ARHGAP10: variants seen among roughly 807,000 people sequenced by gnomAD.
The protein encoded by ARHGAP10 is Rho GTPase activating protein 10, also known as rho GTPase-activating protein 10.
ARHGAP10 carries 87 observed loss-of-function variants against 108.6 expected under a neutral mutation model. The ratio of observed to expected loss-of-function variants is 0.80; its 90% CI spans 0.67 to 0.96. The LOEUF is 0.96. Ranked by LOEUF, ARHGAP10 falls within the 40% of genes least tolerant of loss-of-function variation. The pLI is 0.00. For synonymous variants in ARHGAP10, 347 were observed against 341.1 expected (o/e 1.02, Z -0.19); for missense variants, 939 against 954.5 (o/e 0.98, Z 0.21).
chr4:147,847,843 A>G (rs980321462), intron 4 of ARHGAP10, among the ~76,000 whole-genome samples: 1 of 152,240 alleles, frequency 6.6e-6, no homozygotes, highest in African/African-American at 2.4e-5. Context: ...TTTTGCCACA[A>G]GGAGCCTGAG....
chr4:148,070,558 G>A (rs1397865373), intron 22 of ARHGAP10, among the ~76,000 whole-genome samples: 5 of 152,200 alleles, frequency 3.3e-5, no homozygotes, highest in African/African-American at 1.2e-4. Context: ...TCAATTCGCT[G>A]AGTTGCAATT....
At chr4:147,940,214 C>T (rs759478052) in intron 14 of ARHGAP10, among the ~76,000 whole-genome samples, 1 of 152,176 alleles carries the variant, frequency 6.6e-6, no homozygotes, top group Non-Finnish European at 1.5e-5. Context: ...ATAGCCTGTC[C>T]AGAATTGTGA....
At chr4:147,736,268 GT>G (rs1003830229) in intron 1 of ARHGAP10, among the ~76,000 whole-genome samples, 1 of 152,034 alleles carries the variant, frequency 6.6e-6, no homozygotes, top group Non-Finnish European at 1.5e-5. Context: ...TTCCGACTTG[GT>G]TTTGGTACTT....
chr4:147,930,777 AT>A (rs1415024428), intron 13 of ARHGAP10, among the ~76,000 whole-genome samples: 3 of 151,926 alleles, frequency 2.0e-5, no homozygotes, highest in African/African-American at 7.3e-5. Flanking sequence ...TTGTTTTCAA[AT>A]TCATCACATT....
At position 148,010,723 on chromosome 4, in the gene ARHGAP10, A is replaced by G. The variant is rs138425480; in HGVS notation, c.1717-12540A>G. On this transcript the variant is annotated intron_variant, in intron 18 of 22. Coordinates refer to ENST00000336498, the MANE Select transcript of ARHGAP10 (RefSeq NM_024605.4). The stretch of plus-strand genomic sequence containing the variant: ...CTCTAATTGTGGCCCGTAGTCCAAC[A>G]CATTGACATTAACTGGGAATTTGTT... Among the ~76,000 whole-genome samples, 1,275 of 152,344 alleles carry G rather than the reference A, an allele frequency of 8.4e-3. 6 individuals are homozygous for G. Among genetic ancestry groups the G allele is most frequent in the Admixed American group, 0.018 (272 of 15,300 alleles).
At chr4:147,863,856 C>T (rs1457389686) in intron 5 of ARHGAP10, 1 of 152,174 alleles carries the variant, frequency 6.6e-6, no homozygotes, top group Admixed American at 6.5e-5. Context: ...CTTGCATTCC[C>T]ACTAATGATG....
At chr4:147,758,971 T>TC (rs1553946648) in intron 1 of ARHGAP10, among the ~76,000 whole-genome samples, 2 of 121,148 alleles carry the variant, frequency 1.7e-5, no homozygotes, top group Non-Finnish European at 1.7e-5. Context: ...AGACTCTGTC[T>TC]CAAAAAAAAA....
At chr4:147,811,107 A>G (rs1360028940) in intron 1 of ARHGAP10, among the ~76,000 whole-genome samples, 1 of 151,968 alleles carries the variant, frequency 6.6e-6, no homozygotes, top group East Asian at 1.9e-4. Flanking sequence ...CTTCATTTTC[A>G]GTGTTCTGCT....
chr4:147,869,944 T>C (rs959847133), intron 7 of ARHGAP10, among the ~76,000 whole-genome samples: 3 of 151,548 alleles, frequency 2.0e-5, no homozygotes, highest in African/African-American at 7.3e-5. Flanking sequence ...TTTATTATAA[T>C]AAAGAGAAAA....
intron 20 of ARHGAP10, among the ~76,000 whole-genome samples, chr4:148,054,293 TGATTTAAGCAAACCAGG>T (rs1729270622): frequency 6.6e-6 from 1 of 152,188 alleles, no homozygotes; most frequent in African/African-American, 2.4e-5. Context: ...TTTATATAAG[TGATTTAAGCAAACCAGG>T]GATTTAAGCA....
chr4:147,923,380 A>G (rs1737326290), intron 13 of ARHGAP10, among the ~76,000 whole-genome samples: 1 of 152,224 alleles, frequency 6.6e-6, no homozygotes. Context: ...ACTGTATGAT[A>G]TGCAAAAACA....
At chr4:148,070,174 G>T (rs569037954) in intron 22 of ARHGAP10, among the ~76,000 whole-genome samples, 2 of 152,136 alleles carry the variant, frequency 1.3e-5, no homozygotes, top group Admixed American at 1.3e-4. Context: ...ATATATACAC[G>T]TATGCCTGCA....
At chr4:147,910,016 CT>C (rs371707136) in intron 12 of ARHGAP10, among the ~76,000 whole-genome samples, 1,549 of 150,974 alleles carry the variant, frequency 0.01, 17 homozygotes, top group Middle Eastern at 0.051. Flanking sequence ...CTTTTCTTTT[CT>C]TTTTTTTTGA....
In ARHGAP10 at chr4:147,824,355, T is replaced by A. The variant is rs1294167082; in HGVS notation, c.312+1398T>A. On this transcript the variant is annotated intron_variant, in intron 3 of 22. Transcript: ENST00000336498. ...AAAAATACGGATTCTTTTTTCTATA[T>A]TCTTGAAAATGAGTACTATCTAGAA... Among the ~76,000 whole-genome samples the A allele has an allele frequency of 3.3e-5, 5 of 152,194 alleles. No homozygotes were observed. The South Asian group carries it at 8.3e-4, about 25-fold the overall frequency.
chr4:147,760,193 C>T (rs1486844893), intron 1 of ARHGAP10, among the ~76,000 whole-genome samples: 2 of 152,116 alleles, frequency 1.3e-5, no homozygotes, highest in East Asian at 1.9e-4. Flanking sequence ...GAGGATAATA[C>T]GCAGTATCTA....
intron 3 of ARHGAP10, among the ~76,000 whole-genome samples, chr4:147,835,664 G>A (rs1733142946): frequency 6.6e-6 from 1 of 152,208 alleles, no homozygotes; most frequent in South Asian, 2.1e-4. Flanking sequence ...ATGAGCCACT[G>A]CGCCTGGCCT....
chr4:147,962,402 A>G (rs1335602007), intron 16 of ARHGAP10, among the ~76,000 whole-genome samples: 1 of 152,234 alleles, frequency 6.6e-6, no homozygotes, highest in Non-Finnish European at 1.5e-5. Flanking sequence ...TGCTTTATGT[A>G]TGTTACAGCA....
intron 8 of ARHGAP10, among the ~76,000 whole-genome samples, chr4:147,876,458 T>C (rs1322762978): frequency 6.6e-6 from 1 of 151,940 alleles, no homozygotes; most frequent in African/African-American, 2.4e-5. Flanking sequence ...CAGGGCGTAG[T>C]GGCGGGCACC....
In ARHGAP10 at chr4:147,905,857, A is replaced by G. The variant is rs999669429; in HGVS notation, c.1035-781A>G. ...CATTTTCACGATATTGATTCTTCCT[A>G]TCCATGAGCATGGAATGTTCTTCCA... On this transcript the variant is annotated intron_variant, in intron 10 of 22. Transcript: ENST00000336498. Among the ~76,000 whole-genome samples, 15 of 152,104 alleles carry G rather than the reference A, an allele frequency of 9.9e-5. 1 individual carries two copies. Among genetic ancestry groups the G allele is most frequent in the African/African-American group, 3.6e-4 (15 of 41,524 alleles).
Sources: gnomAD v4.1 joint callset for allele counts (sites outside exome capture counted in the v4.1 genomes callset) on GRCh38, gnomAD v4.1.1 for gene constraint, MANE v1.5 for transcripts, NCBI Gene and HGNC (gene_info 2026-07-23, HGNC 2026-07-21) for gene names.